DLGAP1: variants seen among roughly 807,000 people sequenced by gnomAD.
DLGAP1 encodes the protein DLG associated protein 1, also known as disks large-associated protein 1.
DLGAP1 carries 11 observed loss-of-function variants against 90.8 expected under a neutral mutation model. The observed-to-expected ratio is 0.12, with a 90% CI of 0.08 to 0.20. DLGAP1 has a LOEUF of 0.20. DLGAP1 is among the 10% of genes least tolerant of loss of function. The pLI, the probability that DLGAP1 is intolerant of heterozygous loss-of-function variation, is 1.00. For missense variants in DLGAP1, 1,050 were observed against 1,333.8 expected (o/e 0.79, Z 3.31); for synonymous variants, 558 against 540.7 (o/e 1.03, Z -0.44).
At chr18:4,026,291 T>A (rs992544945) in intron 2 of DLGAP1, among the ~76,000 whole-genome samples, 1 of 152,226 alleles carries the variant, frequency 6.6e-6, no homozygotes, top group Non-Finnish European at 1.5e-5. Context: ...GTCATACAGA[T>A]GTCTAGGTTT....
intron 2 of DLGAP1, among the ~76,000 whole-genome samples, chr18:4,076,429 G>C (rs536067523): frequency 6.6e-6 from 1 of 152,138 alleles, no homozygotes; most frequent in South Asian, 2.1e-4. Context: ...AAAAATAAAT[G>C]AAAATCCCTA....
intron 7 of DLGAP1, chr18:3,608,414 C>T (rs1453557155): frequency 1.3e-5 from 2 of 151,990 alleles, no homozygotes; most frequent in Non-Finnish European, 2.9e-5. Flanking sequence ...AATTCATTGC[C>T]TTACCCTTGG....
At chr18:3,882,010 T>C (rs960620322) in intron 3 of DLGAP1, among the ~76,000 whole-genome samples, 2 of 152,224 alleles carry the variant, frequency 1.3e-5, no homozygotes, top group Non-Finnish European at 2.9e-5. Flanking sequence ...GTTTTCCTTT[T>C]TGAATTCTGT....
intron 1 of DLGAP1, among the ~76,000 whole-genome samples, chr18:4,362,829 C>A (rs2081658790): frequency 6.6e-6 from 1 of 151,956 alleles, no homozygotes; most frequent in Non-Finnish European, 1.5e-5. Context: ...CAAAGACATA[C>A]AAGCAACTGA....
intron 3 of DLGAP1, among the ~76,000 whole-genome samples, chr18:3,947,168 C>A (rs541772538): frequency 6.6e-6 from 1 of 152,254 alleles, no homozygotes; most frequent in African/African-American, 2.4e-5. Context: ...TGGGTATAGA[C>A]CAGTGTTTTT....
intron 7 of DLGAP1, among the ~76,000 whole-genome samples, chr18:3,616,322 C>CT (rs558946165): frequency 2.0e-3 from 305 of 152,262 alleles, no homozygotes; most frequent in Non-Finnish European, 3.4e-3. Context: ...CCTGACTACT[C>CT]TATCACTGTG....
At chr18:3,971,574 T>C (rs149359980) in intron 3 of DLGAP1, among the ~76,000 whole-genome samples, 265 of 152,354 alleles carry the variant, frequency 1.7e-3, no homozygotes, top group African/African-American at 6.1e-3. Flanking sequence ...TTGACTGGTA[T>C]GATGCACCCC....
intron 1 of DLGAP1, among the ~76,000 whole-genome samples, chr18:4,428,561 G>A (rs1187791463): frequency 6.6e-6 from 1 of 151,924 alleles, no homozygotes; most frequent in Non-Finnish European, 1.5e-5. Context: ...CAGCCTGGGG[G>A]ACAGAGTGAG....
chr18:4,005,509 T>C (rs891227223), intron 2 of DLGAP1, among the ~76,000 whole-genome samples: 10 of 152,232 alleles, frequency 6.6e-5, no homozygotes, highest in Non-Finnish European at 1.5e-5. Flanking sequence ...CCCAGTTCAA[T>C]TATTTATTCA....
chr18:4,096,593 A>G (rs755186729), intron 2 of DLGAP1, among the ~76,000 whole-genome samples: 11 of 151,930 alleles, frequency 7.2e-5, no homozygotes, highest in Non-Finnish European at 1.3e-4. Flanking sequence ...GAGTGAGTCA[A>G]CTGACCTATA....
intron 1 of DLGAP1, among the ~76,000 whole-genome samples, chr18:4,306,256 C>G (rs2080256289): frequency 6.6e-6 from 1 of 152,036 alleles, no homozygotes; most frequent in African/African-American, 2.4e-5. Flanking sequence ...TTCTACATTG[C>G]TAGGAAAGTT....
chr18:4,111,861 G>C (rs562708857), intron 2 of DLGAP1, among the ~76,000 whole-genome samples: 1 of 151,588 alleles, frequency 6.6e-6, no homozygotes, highest in Non-Finnish European at 1.5e-5. Context: ...AGGGATGCCA[G>C]CTTTGTTGAT....
intron 7 of DLGAP1, among the ~76,000 whole-genome samples, chr18:3,583,159 T>A (rs1452787065): frequency 7.5e-6 from 1 of 132,790 alleles, no homozygotes; most frequent in African/African-American, 2.9e-5. Context: ...CCTACCTACC[T>A]ACCTACCTAC....
intron 7 of DLGAP1, among the ~76,000 whole-genome samples, chr18:3,713,441 T>C (rs759880301): frequency 3.3e-5 from 5 of 152,200 alleles, no homozygotes; most frequent in Non-Finnish European, 4.4e-5. Context: ...TGGAAAGATT[T>C]GTGCATGTGG....
chr18:4,121,718 T>C (rs939585177), intron 2 of DLGAP1, among the ~76,000 whole-genome samples: 6 of 152,172 alleles, frequency 3.9e-5, no homozygotes, highest in African/African-American at 1.4e-4. Context: ...TCTCCCCTAC[T>C]GCAAGACCCT....
intron 1 of DLGAP1, among the ~76,000 whole-genome samples, chr18:4,389,858 C>T (rs1484995716): frequency 2.6e-5 from 4 of 152,174 alleles, no homozygotes; most frequent in African/African-American, 7.2e-5. Context: ...CTATAACCTG[C>T]AATTAATAAT....
chr18:4,260,005 T>C (rs1278273235), intron 1 of DLGAP1, among the ~76,000 whole-genome samples: 1 of 152,124 alleles, frequency 6.6e-6, no homozygotes, highest in Non-Finnish European at 1.5e-5. Flanking sequence ...TTTATATAAT[T>C]AAAAGGTCAC....
chr18:3,955,710 G>A (rs11081081), intron 3 of DLGAP1, among the ~76,000 whole-genome samples: 99,427 of 149,796 alleles, frequency 0.66, 34,880 homozygotes, highest in East Asian at 0.93. Flanking sequence ...GTGAAACTCC[G>A]TCTCAAAAAA....
At chr18:3,753,225 G>A (rs1032369987) in intron 5 of DLGAP1, among the ~76,000 whole-genome samples, 5 of 152,158 alleles carry the variant, frequency 3.3e-5, no homozygotes, top group African/African-American at 4.8e-5. Context: ...AAACAATGGG[G>A]TCTTTGGAGA....
Sources: gnomAD v4.1 joint callset for allele counts (sites outside exome capture counted in the v4.1 genomes callset) on GRCh38, gnomAD v4.1.1 for gene constraint, MANE v1.5 for transcripts, NCBI Gene and HGNC (gene_info 2026-07-23, HGNC 2026-07-21) for gene names.